Variants in XRCC4 observed in about 807,000 individuals in gnomAD.
XRCC4 encodes X-ray repair cross complementing 4.
Under a neutral mutation model 39.1 loss-of-function variants are expected in XRCC4, and 28 were observed. That is an observed-to-expected ratio of 0.72 (90% CI 0.53 to 0.98). XRCC4 has a LOEUF of 0.98. XRCC4 is among the 50% of genes least tolerant of loss of function. The pLI, the probability that XRCC4 is intolerant of heterozygous loss-of-function variation, is 0.00. For missense variants in XRCC4, 350 were observed against 376.4 expected (o/e 0.93, Z 0.58); for synonymous variants, 123 against 126.4 (o/e 0.97, Z 0.18).
At chr5:83,099,587 T>G (rs930854760) in intron 1 of XRCC4, among the ~76,000 whole-genome samples, 1 of 152,214 alleles carries the variant, frequency 6.6e-6, no homozygotes, top group Admixed American at 6.5e-5. Context: ...AGAGGCCAAG[T>G]ATCAAAGACA....
chr5:83,161,423 C>A (rs1397950208), intron 3 of XRCC4, among the ~76,000 whole-genome samples: 1 of 152,150 alleles, frequency 6.6e-6, no homozygotes, highest in African/African-American at 2.4e-5. Context: ...TGAGCCACCA[C>A]GACCGGCCCT....
chr5:83,117,073 C>A (rs1024514679), intron 3 of XRCC4, among the ~76,000 whole-genome samples: 3 of 152,116 alleles, frequency 2.0e-5, no homozygotes, highest in Non-Finnish European at 4.4e-5. Context: ...CTTTAATTGG[C>A]TTTTCTTTAT....
chr5:83,272,919 T>A (rs2112933221), intron 7 of XRCC4, among the ~76,000 whole-genome samples: 1 of 152,332 alleles, frequency 6.6e-6, no homozygotes, highest in South Asian at 2.1e-4. Flanking sequence ...TAGAATGATT[T>A]TTAATCCTTT....
intron 3 of XRCC4, among the ~76,000 whole-genome samples, chr5:83,149,053 A>C (rs1044566943): frequency 6.6e-6 from 1 of 152,200 alleles, no homozygotes; most frequent in Non-Finnish European, 1.5e-5. Flanking sequence ...GAATCAGAAT[A>C]CTGAAACATA....
chr5:83,289,077 A>C (rs151088537), intron 7 of XRCC4, among the ~76,000 whole-genome samples: 2 of 151,812 alleles, frequency 1.3e-5, no homozygotes, highest in Non-Finnish European at 2.9e-5. Flanking sequence ...AAGGTATTCT[A>C]CATTTCTGTT....
intron 3 of XRCC4, among the ~76,000 whole-genome samples, chr5:83,195,506 T>C (rs368133907): frequency 3.9e-5 from 6 of 152,044 alleles, no homozygotes; most frequent in Admixed American, 1.3e-4. Flanking sequence ...GTATTTATGT[T>C]GCTTTCTTTT....
intron 7 of XRCC4, among the ~76,000 whole-genome samples, chr5:83,313,867 T>A (rs1176779279): frequency 6.6e-6 from 1 of 152,166 alleles, no homozygotes; most frequent in Non-Finnish European, 1.5e-5. Context: ...CTCTAAAATA[T>A]TATATTCTAA....
At chr5:83,318,043 G>A (rs528790882) in intron 7 of XRCC4, among the ~76,000 whole-genome samples, 9 of 135,452 alleles carry the variant, frequency 6.6e-5, no homozygotes, top group South Asian at 6.6e-4. Flanking sequence ...TGCAAGGCTG[G>A]TTCAGTATAC....
At chr5:83,228,923 A>G (rs899919150) in intron 6 of XRCC4, among the ~76,000 whole-genome samples, 2 of 152,040 alleles carry the variant, frequency 1.3e-5, no homozygotes, top group African/African-American at 2.4e-5. Context: ...TGTATCTGCA[A>G]TATAGAATCT....
chr5:83,183,701 A>G (rs1413870192), intron 3 of XRCC4, among the ~76,000 whole-genome samples: 1 of 152,160 alleles, frequency 6.6e-6, no homozygotes, highest in African/African-American at 2.4e-5. Flanking sequence ...GTGTAATACA[A>G]CTTACTTTGC....
intron 6 of XRCC4, among the ~76,000 whole-genome samples, chr5:83,247,105 T>C (rs1335902248): frequency 1.3e-5 from 2 of 152,224 alleles, no homozygotes; most frequent in East Asian, 3.8e-4. Flanking sequence ...GCTTAACCAA[T>C]TTAGTTCCAC....
intron 3 of XRCC4, among the ~76,000 whole-genome samples, chr5:83,182,808 A>T (rs982747682): frequency 6.6e-6 from 1 of 152,130 alleles, no homozygotes; most frequent in African/African-American, 2.4e-5. Flanking sequence ...TCCTGTGTGG[A>T]TGCAGCAAGA....
chr5:83,224,732 G>T (rs944009286), intron 6 of XRCC4, among the ~76,000 whole-genome samples: 1 of 152,064 alleles, frequency 6.6e-6, no homozygotes, highest in South Asian at 2.1e-4. Flanking sequence ...CTCTGAGAAA[G>T]TTTTCATCAC....
intron 7 of XRCC4, among the ~76,000 whole-genome samples, chr5:83,320,374 AAAAATAAT>A (rs2112127382): frequency 6.7e-6 from 1 of 148,904 alleles, no homozygotes; most frequent in African/African-American, 2.5e-5. Context: ...TAAAAAATAA[AAAAATAAT>A]AAAAAAATAA....
rs188499539 is a variant in XRCC4 at position 83,246,975 on chromosome 5, C to A, written c.746-11555C>A. Among the ~76,000 whole-genome samples the A allele has an allele frequency of 4.6e-5, 7 of 152,232 alleles. No individual in the cohort carries two copies. The East Asian group carries it at 1.4e-3, about 29-fold the overall frequency. Reference sequence around the variant, plus strand: ...TTATGAATCATAGTGGAGTGACATACATACATTAACCTTTTTAAACTGTAT... The same window carrying A: ...TTATGAATCATAGTGGAGTGACATAAATACATTAACCTTTTTAAACTGTAT... On this transcript the variant is annotated intron_variant, in intron 6 of 7. Transcript: ENST00000396027.
At chr5:83,211,020 A>G (rs1472221341) in intron 6 of XRCC4, among the ~76,000 whole-genome samples, 2 of 152,210 alleles carry the variant, frequency 1.3e-5, no homozygotes, top group Admixed American at 6.5e-5. Flanking sequence ...GTCTCTGACT[A>G]TGGATGAGTG....
chr5:83,263,821 T>C (rs1753853583), intron 7 of XRCC4, among the ~76,000 whole-genome samples: 1 of 151,634 alleles, frequency 6.6e-6, no homozygotes, highest in South Asian at 2.1e-4. Flanking sequence ...TGGTAGTTTC[T>C]TTTGCTGTGC....
At chr5:83,373,070 C>T in the XRCC4 span, among the ~76,000 whole-genome samples, 1 of 152,022 alleles carries the variant, frequency 6.6e-6, no homozygotes. Flanking sequence ...CTCTTTTGAA[C>T]ACTGATAGTC....
At chr5:83,090,619 G>A (rs1450053874) in intron 1 of XRCC4, among the ~76,000 whole-genome samples, 1 of 152,084 alleles carries the variant, frequency 6.6e-6, no homozygotes, top group Non-Finnish European at 1.5e-5. Flanking sequence ...AGGGAGGAGG[G>A]TCTGAAAATC....
Sources: gnomAD v4.1 joint callset for allele counts (sites outside exome capture counted in the v4.1 genomes callset) on GRCh38, gnomAD v4.1.1 for gene constraint, MANE v1.5 for transcripts, NCBI Gene and HGNC (gene_info 2026-07-23, HGNC 2026-07-21) for gene names.